NUBPL: variants seen among roughly 807,000 people sequenced by gnomAD.
NUBPL encodes the protein iron-sulfur cluster transfer protein NUBPL.
NUBPL carries 31 observed loss-of-function variants against 45.7 expected under a neutral mutation model. The observed-to-expected ratio is 0.68, with a 90% CI of 0.51 to 0.92. NUBPL has a LOEUF of 0.92. Ranked by LOEUF, NUBPL falls within the 40% of genes least tolerant of loss-of-function variation. The pLI, the probability that NUBPL is intolerant of heterozygous loss-of-function variation, is 0.00. For synonymous variants in NUBPL, 144 were observed against 140.9 expected (o/e 1.02, Z -0.15); for missense variants, 401 against 398.7 (o/e 1.01, Z -0.05).
intron 6 of NUBPL, among the ~76,000 whole-genome samples, chr14:31,676,226 T>G (rs2036694329): frequency 6.6e-6 from 1 of 152,096 alleles, no homozygotes; most frequent in Admixed American, 6.5e-5. Context: ...TTTCTCCATG[T>G]TGGTTAGGCT....
intron 6 of NUBPL, among the ~76,000 whole-genome samples, chr14:31,694,106 C>T (rs1315193043): frequency 1.3e-5 from 2 of 152,074 alleles, no homozygotes; most frequent in African/African-American, 2.4e-5. Flanking sequence ...CTGCCCACCT[C>T]GGCCTCCCAG....
At chr14:31,830,013 A>T (rs2040164793) in intron 8 of NUBPL, among the ~76,000 whole-genome samples, 1 of 151,968 alleles carries the variant, frequency 6.6e-6, no homozygotes. Flanking sequence ...TATATGTGGG[A>T]GTCCCAGGCA....
chr14:31,798,726 A>G (rs2039519476), intron 7 of NUBPL, among the ~76,000 whole-genome samples: 1 of 126,576 alleles, frequency 7.9e-6, no homozygotes, highest in Admixed American at 1.0e-4. Context: ...TGGGAGGCGG[A>G]GCTTGCAGTG....
At chr14:31,838,569 T>C (rs1249865518) in intron 8 of NUBPL, among the ~76,000 whole-genome samples, 1 of 152,136 alleles carries the variant, frequency 6.6e-6, no homozygotes, top group African/African-American at 2.4e-5. Flanking sequence ...TGAATACCTT[T>C]GGGAATGTGT....
At chr14:31,691,072 T>TCAGA (rs4011644) in intron 6 of NUBPL, among the ~76,000 whole-genome samples, 151,924 of 152,204 alleles carry the variant, frequency 1, 75,823 homozygotes, top group Middle Eastern at 1. Flanking sequence ...GAAAAAAAAA[T>TCAGA]CAGAAATTAC....
At chr14:31,647,281 T>A (rs2035881376) in intron 4 of NUBPL, among the ~76,000 whole-genome samples, 1 of 152,256 alleles carries the variant, frequency 6.6e-6, no homozygotes, top group South Asian at 2.1e-4. Flanking sequence ...ATCTATGTAT[T>A]TGCAATGAAG....
At chr14:31,599,733 G>T (rs776701145) in intron 4 of NUBPL, among the ~76,000 whole-genome samples, 3 of 152,090 alleles carry the variant, frequency 2.0e-5, no homozygotes, top group African/African-American at 7.2e-5. Flanking sequence ...TAGTGAATCA[G>T]TGAGTGAAAG....
chr14:31,674,680 A>G (rs949697892), intron 6 of NUBPL, among the ~76,000 whole-genome samples: 1 of 152,136 alleles, frequency 6.6e-6, no homozygotes, highest in African/African-American at 2.4e-5. Flanking sequence ...TGCCTGCATT[A>G]TATATTTTTG....
intron 6 of NUBPL, among the ~76,000 whole-genome samples, chr14:31,726,501 G>C (rs142531913): frequency 1.0e-3 from 159 of 152,254 alleles, no homozygotes; most frequent in African/African-American, 3.5e-3. Flanking sequence ...CATTTTTCTG[G>C]AATGTGTCAG....
intron 6 of NUBPL, among the ~76,000 whole-genome samples, chr14:31,700,512 G>C (rs999394356): frequency 2.4e-4 from 37 of 152,292 alleles, no homozygotes; most frequent in African/African-American, 8.7e-4. Context: ...CAAGGCTGCA[G>C]CCGGCTCCCT....
At chr14:31,799,662 C>T (rs962761431) in intron 7 of NUBPL, among the ~76,000 whole-genome samples, 4 of 152,150 alleles carry the variant, frequency 2.6e-5, no homozygotes, top group African/African-American at 7.2e-5. Context: ...TAAAAATATA[C>T]ATTCCTTAAA....
chr14:31,817,042 A>T (rs141911933), intron 7 of NUBPL, among the ~76,000 whole-genome samples: 1 of 152,140 alleles, frequency 6.6e-6, no homozygotes, highest in East Asian at 1.9e-4. Flanking sequence ...TTCACAGGTT[A>T]TCAGTATCCT....
chr14:31,779,915 G>A (rs1366814532), intron 6 of NUBPL, among the ~76,000 whole-genome samples: 1 of 152,154 alleles, frequency 6.6e-6, no homozygotes, highest in Non-Finnish European at 1.5e-5. Flanking sequence ...GGCCTGCCAG[G>A]AAGTGACAGT....
chr14:31,753,457 TGTG>T (rs1045027301), intron 6 of NUBPL, among the ~76,000 whole-genome samples: 2 of 151,814 alleles, frequency 1.3e-5, no homozygotes, highest in African/African-American at 4.8e-5. Flanking sequence ...TAGTACACAG[TGTG>T]GTACCTGGTG....
At chr14:31,606,541 A>G (rs2034605432) in intron 4 of NUBPL, among the ~76,000 whole-genome samples, 1 of 152,198 alleles carries the variant, frequency 6.6e-6, no homozygotes, top group Non-Finnish European at 1.5e-5. Context: ...ATTCCTATCC[A>G]AAGCATGGAG....
intron 8 of NUBPL, 99 bp downstream of exon 8, chr14:31,826,813 C>A: frequency 9.6e-7 from 1 of 1,046,012 alleles, no homozygotes; most frequent in Non-Finnish European, 1.5e-6. Context: ...TAGTCCTGTA[C>A]AGAAGTCTTT....
At chr14:31,759,619 G>A (rs1425382503) in intron 6 of NUBPL, among the ~76,000 whole-genome samples, 2 of 151,696 alleles carry the variant, frequency 1.3e-5, no homozygotes, top group Non-Finnish European at 2.9e-5. Flanking sequence ...AACTTACAAT[G>A]ATTTGACTTA....
At chr14:31,723,383 C>T (rs1427423536) in intron 6 of NUBPL, among the ~76,000 whole-genome samples, 1 of 152,148 alleles carries the variant, frequency 6.6e-6, no homozygotes, top group African/African-American at 2.4e-5. Context: ...CATGAAGCCT[C>T]TGGATTTGTT....
intron 6 of NUBPL, among the ~76,000 whole-genome samples, chr14:31,773,068 T>G (rs550099660): frequency 6.6e-6 from 1 of 152,310 alleles, no homozygotes; most frequent in East Asian, 1.9e-4. Flanking sequence ...TATCATTTAT[T>G]TCCACAAGTC....
Sources: allele counts gnomAD v4.1 joint callset (sites outside exome capture counted in the v4.1 genomes callset), GRCh38; gene constraint gnomAD v4.1.1; transcripts MANE v1.5; gene names NCBI Gene and HGNC (gene_info 2026-07-23, HGNC 2026-07-21).